Variants in CPNE8 observed in about 807,000 individuals in gnomAD.
CPNE8 encodes copine-8.
A neutral mutation model predicts 81.5 loss-of-function variants in CPNE8; 45 were observed. The observed-to-expected ratio is 0.55, with a 90% CI of 0.44 to 0.71. CPNE8 has a LOEUF of 0.71. Ranked by LOEUF, CPNE8 falls within the 30% of genes least tolerant of loss-of-function variation. The probability of loss-of-function intolerance (pLI) is 0.00; values close to 1 mark genes in which losing one functional copy is unlikely to be tolerated. For missense variants in CPNE8, 594 were observed against 672.1 expected, an observed-to-expected ratio of 0.88 and a Z score of 1.28; for synonymous variants, 252 against 226.3, an observed-to-expected ratio of 1.11 and a Z score of -1.02.
intron 15 of CPNE8, 183 bp from the exon 16 acceptor site, chr12:38,685,800 ATATAT>A (rs1421615334): frequency 1.2e-5 from 6 of 500,684 alleles, no homozygotes; most frequent in African/African-American, 9.8e-5. Context: ...ATCGATTATG[ATATAT>A]TATGTAGATA....
At chr12:38,656,291 A>G (rs1405944177) in intron 19 of CPNE8, among the ~76,000 whole-genome samples, 1 of 150,152 alleles carries the variant, frequency 6.7e-6, no homozygotes, top group Non-Finnish European at 1.5e-5. Flanking sequence ...TAATGTTGGT[A>G]TGGTCAGTAT....
intron 8 of CPNE8, among the ~76,000 whole-genome samples, chr12:38,764,315 A>T (rs766434460): frequency 2.6e-5 from 4 of 152,074 alleles, no homozygotes; most frequent in Non-Finnish European, 4.4e-5. Context: ...GGTACCAAAA[A>T]ATTTTTAAGA....
At chr12:38,657,425 T>C (rs940417720) in intron 19 of CPNE8, among the ~76,000 whole-genome samples, 1 of 152,158 alleles carries the variant, frequency 6.6e-6, no homozygotes, top group Non-Finnish European at 1.5e-5. Context: ...CTACTGCCTC[T>C]ATAAACGCCA....
chr12:38,854,991 A>G (rs1159318978), intron 3 of CPNE8, among the ~76,000 whole-genome samples: 1 of 152,132 alleles, frequency 6.6e-6, no homozygotes, highest in Non-Finnish European at 1.5e-5. Context: ...ATGATCTTAT[A>G]TAGAGAAAGT....
At chr12:38,793,690 AT>A (rs546670967) in intron 6 of CPNE8, among the ~76,000 whole-genome samples, 2 of 151,744 alleles carry the variant, frequency 1.3e-5, no homozygotes, top group African/African-American at 4.8e-5. Flanking sequence ...TGCCAATGGC[AT>A]TTTTTTGCAG....
chr12:38,764,413 C>T (rs1253396420), intron 8 of CPNE8, among the ~76,000 whole-genome samples: 5 of 151,162 alleles, frequency 3.3e-5, no homozygotes, highest in African/African-American at 9.7e-5. Flanking sequence ...GTCAGGAGAT[C>T]GAGACCATCC....
At chr12:38,807,527 G>C (rs1364294140) in intron 6 of CPNE8, among the ~76,000 whole-genome samples, 1 of 150,172 alleles carries the variant, frequency 6.7e-6, no homozygotes, top group Non-Finnish European at 1.5e-5. Flanking sequence ...AATAAATTGT[G>C]CTGGGAAAAC....
At chr12:38,890,715 C>T (rs1452741155) in intron 1 of CPNE8, among the ~76,000 whole-genome samples, 1 of 152,012 alleles carries the variant, frequency 6.6e-6, no homozygotes, top group African/African-American at 2.4e-5. Flanking sequence ...ATTAGTTCAC[C>T]AAGTACTTTA....
At chr12:38,813,632 C>T (rs900988971) in intron 6 of CPNE8, among the ~76,000 whole-genome samples, 3 of 152,100 alleles carry the variant, frequency 2.0e-5, no homozygotes, top group Admixed American at 1.3e-4. Flanking sequence ...AAATCAGGGA[C>T]ATGTAATAGA....
intron 16 of CPNE8, 93 bp from the exon 17 acceptor site, chr12:38,677,647 TCTCAA>T: frequency 1.4e-6 from 1 of 725,472 alleles, no homozygotes; most frequent in Non-Finnish European, 2.4e-6. Flanking sequence ...AACATTTTAA[TCTCAA>T]TAAAATATTT....
At chr12:38,839,506 T>A (rs1274415166) in intron 5 of CPNE8, among the ~76,000 whole-genome samples, 3 of 151,932 alleles carry the variant, frequency 2.0e-5, no homozygotes, top group Admixed American at 6.6e-5. Flanking sequence ...TCAGGAAATA[T>A]TGGTAAATAA....
At chr12:38,813,584 A>G (rs1191854362) in intron 6 of CPNE8, among the ~76,000 whole-genome samples, 2 of 152,220 alleles carry the variant, frequency 1.3e-5, no homozygotes, top group African/African-American at 4.8e-5. Flanking sequence ...TATAATTGTT[A>G]TAAGACATGA....
intron 17 of CPNE8, among the ~76,000 whole-genome samples, chr12:38,676,615 T>C (rs945647095): frequency 1.3e-5 from 2 of 152,204 alleles, no homozygotes; most frequent in Non-Finnish European, 2.9e-5. Flanking sequence ...CTAAATATCC[T>C]TGAGATTTTG....
rs199533825 is a variant in CPNE8, at chr12:38,782,259, GC to G, written c.408-5959del. Among the ~76,000 whole-genome samples, 841 of 152,118 alleles carry G rather than the reference GC, an allele frequency of 5.5e-3. 10 individuals carry two copies. Among genetic ancestry groups the G allele is most frequent in the African/African-American group, 0.019 (795 of 41,532 alleles). On this transcript the variant is annotated intron_variant, in intron 6 of 19. Transcript: ENST00000331366. The stretch of plus-strand genomic sequence containing the variant: ...AATGCAAGGTCAATAAAAGACAAAG[GC>G]TAAGAAACGATTTCACGTTAAAAGA...
At chr12:38,695,134 C>T (rs748758473) in intron 14 of CPNE8, among the ~76,000 whole-genome samples, 4 of 152,166 alleles carry the variant, frequency 2.6e-5, no homozygotes, top group Non-Finnish European at 5.9e-5. Flanking sequence ...CTATAAGACC[C>T]TGACCGCTCT....
chr12:38,666,844 G>T (rs1157856596), intron 19 of CPNE8, among the ~76,000 whole-genome samples: 1 of 152,100 alleles, frequency 6.6e-6, no homozygotes, highest in Non-Finnish European at 1.5e-5. Flanking sequence ...AATTAGCTGG[G>T]TGACTGTGGA....
intron 8 of CPNE8, among the ~76,000 whole-genome samples, chr12:38,762,514 G>C (rs879698122): frequency 9.9e-5 from 15 of 152,116 alleles, no homozygotes; most frequent in Non-Finnish European, 1.8e-4. Flanking sequence ...AATATCCATA[G>C]GTCCCTAAGA....
chr12:38,808,369 G>A (rs532614933), intron 6 of CPNE8, among the ~76,000 whole-genome samples: 15 of 151,984 alleles, frequency 9.9e-5, no homozygotes, highest in South Asian at 4.2e-4. Context: ...GTCCAACAAC[G>A]ATAGACTGGA....
At chr12:38,861,681 A>T (rs577577805) in intron 3 of CPNE8, among the ~76,000 whole-genome samples, 309 of 152,306 alleles carry the variant, frequency 2.0e-3, no homozygotes, top group Middle Eastern at 6.8e-3. Flanking sequence ...AATATATTAA[A>T]TATACACAAG....
Sources: gnomAD v4.1 joint callset for allele counts (sites outside exome capture counted in the v4.1 genomes callset) on GRCh38, gnomAD v4.1.1 for gene constraint, MANE v1.5 for transcripts, NCBI Gene and HGNC (gene_info 2026-07-23, HGNC 2026-07-21) for gene names.